The following TRIM2 variants were observed in gnomAD, a reference collection of about 807,000 sequenced individuals.
TRIM2 encodes tripartite motif containing 2, also known as tripartite motif-containing protein 2.
TRIM2 carries 20 observed loss-of-function variants against 75.2 expected under a neutral mutation model. That is an observed-to-expected ratio of 0.27 (90% CI 0.19 to 0.39). The LOEUF (loss-of-function observed/expected upper bound fraction) is 0.39. Ranked by LOEUF, TRIM2 falls within the 10% of genes least tolerant of loss-of-function variation. TRIM2 has a pLI of 1.00. For missense variants in TRIM2, 660 were observed against 990.8 expected (o/e 0.67, Z 4.48); for synonymous variants, 373 against 388.3 (o/e 0.96, Z 0.46).
intron 6 of TRIM2, among the ~76,000 whole-genome samples, chr4:153,303,645 G>A (rs551172120): frequency 3.3e-4 from 50 of 152,272 alleles, no homozygotes; most frequent in Middle Eastern, 6.8e-3. Context: ...ATGTGAGATG[G>A]CAATGGTGAT....
intron 8 of TRIM2, among the ~76,000 whole-genome samples, chr4:153,322,165 T>C (rs898848438): frequency 6.6e-6 from 1 of 152,132 alleles, no homozygotes; most frequent in African/African-American, 2.4e-5. Context: ...ATCCCAGCAC[T>C]TTGGGAGGTC....
At chr4:153,244,524 T>C in intron 1 of TRIM2, among the ~76,000 whole-genome samples, 1 of 139,390 alleles carries the variant, frequency 7.2e-6, no homozygotes, top group South Asian at 2.3e-4. Context: ...GTCTCCAAAG[T>C]AGCTGAGATT....
At chr4:153,220,405 A>T (rs1409268266) in intron 1 of TRIM2, among the ~76,000 whole-genome samples, 2 of 152,208 alleles carry the variant, frequency 1.3e-5, no homozygotes, top group Non-Finnish European at 2.9e-5. Flanking sequence ...AGCTTCTGAC[A>T]ACAGACTAAC....
chr4:153,187,054 C>T (rs1322002433), intron 1 of TRIM2, among the ~76,000 whole-genome samples: 1 of 152,152 alleles, frequency 6.6e-6, no homozygotes, highest in Non-Finnish European at 1.5e-5. Flanking sequence ...GAAAATTCCA[C>T]AGGAAGATAA....
At chr4:153,163,396 C>T (rs1184983506) in intron 1 of TRIM2, among the ~76,000 whole-genome samples, 2 of 150,868 alleles carry the variant, frequency 1.3e-5, no homozygotes, top group Non-Finnish European at 3.0e-5. Context: ...GTTGTCCAGG[C>T]TGGTCTCAAA....
At chr4:153,233,211 G>C (rs1744124212) in intron 1 of TRIM2, among the ~76,000 whole-genome samples, 1 of 152,176 alleles carries the variant, frequency 6.6e-6, no homozygotes, top group Non-Finnish European at 1.5e-5. Flanking sequence ...CAAAGAAAAA[G>C]AGTTTCCAGT....
At chr4:153,276,730 G>C (rs565487215) in intron 3 of TRIM2, among the ~76,000 whole-genome samples, 1 of 152,192 alleles carries the variant, frequency 6.6e-6, no homozygotes, top group Non-Finnish European at 1.5e-5. Context: ...ATTGTGTAGC[G>C]TCTAAGGACA....
chr4:153,265,758 A>T (rs921976695), intron 1 of TRIM2: 1 of 135,376 alleles, frequency 7.4e-6, no homozygotes, highest in Non-Finnish European at 1.6e-5. Flanking sequence ...GTGAGCACTC[A>T]TCATTTTTAC....
chr4:153,157,755 A>T (rs1285323795), intron 1 of TRIM2, among the ~76,000 whole-genome samples: 3 of 152,338 alleles, frequency 2.0e-5, no homozygotes, highest in Admixed American at 6.5e-5. Flanking sequence ...CACCCATTTA[A>T]CAGTCTCACA....
chr4:153,254,813 G>A (rs1371388263), intron 1 of TRIM2, among the ~76,000 whole-genome samples: 2 of 152,238 alleles, frequency 1.3e-5, no homozygotes, highest in Non-Finnish European at 2.9e-5. Flanking sequence ...CCATTGTGGT[G>A]AGGGTGTTTG....
chr4:153,198,535 G>A (rs1006275100), intron 1 of TRIM2, among the ~76,000 whole-genome samples: 4 of 152,040 alleles, frequency 2.6e-5, no homozygotes, highest in East Asian at 1.9e-4. Flanking sequence ...TCCCAGTCTC[G>A]GGTATGTCTT....
At chr4:153,168,074 T>C (rs1730484452) in intron 1 of TRIM2, among the ~76,000 whole-genome samples, 3 of 152,336 alleles carry the variant, frequency 2.0e-5, no homozygotes, top group East Asian at 1.9e-4. Context: ...CAGCTACTTA[T>C]AAGTAAACAT....
intron 8 of TRIM2, 92 bp from the exon 9 acceptor site, chr4:153,322,556 T>C (rs1197129124): frequency 7.1e-7 from 1 of 1,413,988 alleles, no homozygotes; most frequent in Non-Finnish European, 9.6e-7. Flanking sequence ...TTCAGGTAAA[T>C]GTTGACCAAA....
chr4:153,247,998 T>G (rs986659387), intron 1 of TRIM2, among the ~76,000 whole-genome samples: 2 of 93,686 alleles, frequency 2.1e-5, no homozygotes, highest in South Asian at 4.9e-4. Flanking sequence ...ATCATGTGTT[T>G]TTTTTTTTTT....
intron 1 of TRIM2, among the ~76,000 whole-genome samples, chr4:153,234,951 C>A (rs909581602): frequency 1.3e-5 from 2 of 152,174 alleles, no homozygotes; most frequent in Non-Finnish European, 2.9e-5. Context: ...CCTGTCCCAC[C>A]CTCGAGCACA....
chr4:153,260,037 A>G (rs1020077892), intron 1 of TRIM2, among the ~76,000 whole-genome samples: 2 of 152,138 alleles, frequency 1.3e-5, no homozygotes, highest in Non-Finnish European at 2.9e-5. Context: ...CTAATCAACA[A>G]CAGAATTAAA....
intron 2 of TRIM2, among the ~76,000 whole-genome samples, chr4:153,271,876 G>A (rs997316251): frequency 5.3e-5 from 8 of 152,136 alleles, no homozygotes; most frequent in African/African-American, 1.9e-4. Flanking sequence ...TCTGAACTTG[G>A]CAGAATTGCC....
intron 1 of TRIM2, among the ~76,000 whole-genome samples, chr4:153,238,292 G>A (rs958409454): frequency 3.0e-4 from 46 of 152,244 alleles, no homozygotes; most frequent in African/African-American, 9.9e-4. Flanking sequence ...TACATGTTTC[G>A]TTAAGTACTA....
intron 3 of TRIM2, among the ~76,000 whole-genome samples, chr4:153,284,065 G>A (rs1304468484): frequency 6.7e-6 from 1 of 150,190 alleles, no homozygotes; most frequent in Non-Finnish European, 1.5e-5. Context: ...TTTAAGTAGA[G>A]ATGGGGTTTC....
Sources: gnomAD v4.1 joint callset for allele counts (sites outside exome capture counted in the v4.1 genomes callset) on GRCh38, gnomAD v4.1.1 for gene constraint, MANE v1.5 for transcripts, NCBI Gene and HGNC (gene_info 2026-07-23, HGNC 2026-07-21) for gene names.